PAK1: variants seen among roughly 807,000 people sequenced by gnomAD.
The protein encoded by PAK1 is p21 (RAC1) activated kinase 1, also known as serine/threonine-protein kinase PAK 1.
In PAK1, 29 loss-of-function variants were observed where a neutral mutation model predicts 67.4. That is an observed-to-expected ratio of 0.43 (90% confidence interval 0.32 to 0.59). The LOEUF is 0.59. PAK1 is among the 20% of genes least tolerant of loss of function. PAK1 has a pLI of 0.07. For synonymous variants in PAK1, 223 were observed against 237.4 expected (o/e 0.94, Z 0.56); for missense variants, 337 against 670.7 (o/e 0.50, Z 5.50).
chr11:77,438,712 C>T (rs1956232287), intron 1 of PAK1, among the ~76,000 whole-genome samples: 1 of 152,128 alleles, frequency 6.6e-6, no homozygotes, highest in African/African-American at 2.4e-5. Flanking sequence ...TACCAGGAAA[C>T]CACAGTCCTA....
intron 1 of PAK1, among the ~76,000 whole-genome samples, chr11:77,468,139 T>C (rs1957684365): frequency 6.6e-6 from 1 of 152,178 alleles, no homozygotes; most frequent in Non-Finnish European, 1.5e-5. Context: ...AAAGGGATAT[T>C]GGAGAAGGCT....
intron 14 of PAK1, chr11:77,325,284 C>T (rs764327712): frequency 4.3e-6 from 7 of 1,612,816 alleles, no homozygotes; most frequent in African/African-American, 2.7e-5. Context: ...AGAGCATACA[C>T]ACTTGAGAGC....
intron 1 of PAK1, among the ~76,000 whole-genome samples, chr11:77,410,884 T>C (rs1954420080): frequency 6.6e-6 from 1 of 152,012 alleles, no homozygotes; most frequent in Non-Finnish European, 1.5e-5. Context: ...GATTAAGATA[T>C]TACCACAGCC....
intron 1 of PAK1, among the ~76,000 whole-genome samples, chr11:77,425,980 G>C (rs1284909383): frequency 6.6e-6 from 1 of 151,802 alleles, no homozygotes; most frequent in Non-Finnish European, 1.5e-5. Context: ...AATACTCCTG[G>C]GTTCAAGGAA....
At chr11:77,442,453 C>G (rs975325984) in intron 1 of PAK1, among the ~76,000 whole-genome samples, 2 of 152,160 alleles carry the variant, frequency 1.3e-5, no homozygotes, top group African/African-American at 4.8e-5. Context: ...TATGGACAGG[C>G]ACACATGGCA....
chr11:77,460,552 CT>C (rs36038856), intron 1 of PAK1, among the ~76,000 whole-genome samples: 97 of 144,862 alleles, frequency 6.7e-4, no homozygotes, highest in Middle Eastern at 3.5e-3. Flanking sequence ...CCCAGGAGCA[CT>C]TTTTTTTTTT....
the PAK1 span, among the ~76,000 whole-genome samples, chr11:77,526,628 A>G: frequency 1.3e-5 from 2 of 152,226 alleles, no homozygotes; most frequent in Admixed American, 1.3e-4. Context: ...ATAAAGAAAA[A>G]GGCTGGAGGC....
At chr11:77,393,504 C>G (rs1057450906) in intron 1 of PAK1, among the ~76,000 whole-genome samples, 1 of 152,030 alleles carries the variant, frequency 6.6e-6, no homozygotes, top group Non-Finnish European at 1.5e-5. Flanking sequence ...CCTATGTTGC[C>G]CAGGCTGGTC....
At chr11:77,433,532 C>T (rs1955959736) in intron 1 of PAK1, among the ~76,000 whole-genome samples, 1 of 152,092 alleles carries the variant, frequency 6.6e-6, no homozygotes, top group Non-Finnish European at 1.5e-5. Context: ...GTAATCCCAG[C>T]ACTTTGGGGG....
At chr11:77,480,384 C>G in the PAK1 span, among the ~76,000 whole-genome samples, 2 of 151,918 alleles carry the variant, frequency 1.3e-5, no homozygotes, top group East Asian at 1.9e-4. Context: ...TTAGGAGATA[C>G]AAGTGTCCAT....
chr11:77,508,173 A>G, the PAK1 span, among the ~76,000 whole-genome samples: 92 of 152,306 alleles, frequency 6.0e-4, 1 homozygote, highest in Admixed American at 3.0e-3. Context: ...TGCATATTTT[A>G]GTAGCTCGAT....
the PAK1 span, among the ~76,000 whole-genome samples, chr11:77,485,365 T>TC: frequency 6.6e-6 from 1 of 152,220 alleles, no homozygotes; most frequent in African/African-American, 2.4e-5. Flanking sequence ...AGGTGATGGA[T>TC]ACCTCATTTA....
chr11:77,429,079 A>T, intron 1 of PAK1, among the ~76,000 whole-genome samples: 1 of 121,898 alleles, frequency 8.2e-6, no homozygotes, highest in Non-Finnish European at 1.6e-5. Flanking sequence ...AAAAAAAAAA[A>T]AAAAAAAAAA....
At chr11:77,521,359 A>G in the PAK1 span, among the ~76,000 whole-genome samples, 1 of 152,084 alleles carries the variant, frequency 6.6e-6, no homozygotes, top group Non-Finnish European at 1.5e-5. Context: ...GAGAAACCCC[A>G]TCTCTGCTAA....
intron 1 of PAK1, among the ~76,000 whole-genome samples, chr11:77,428,007 C>T (rs1292539279): frequency 6.6e-6 from 1 of 151,942 alleles, no homozygotes; most frequent in African/African-American, 2.4e-5. Context: ...TAGCCAGTGG[C>T]GATAGTTGGA....
At chr11:77,396,899 T>C (rs753369518) in intron 1 of PAK1, 1 of 152,194 alleles carries the variant, frequency 6.6e-6, no homozygotes, top group Non-Finnish European at 1.5e-5. Context: ...AATGGTCATT[T>C]TGTATATCTA....
chr11:77,506,965 A>T, the PAK1 span, among the ~76,000 whole-genome samples: 1 of 152,226 alleles, frequency 6.6e-6, no homozygotes, highest in African/African-American at 2.4e-5. Flanking sequence ...GAAGATAAAG[A>T]TCTTCATCTA....
intron 1 of PAK1, among the ~76,000 whole-genome samples, chr11:77,413,727 A>T (rs943183424): frequency 1.3e-5 from 2 of 151,980 alleles, no homozygotes; most frequent in African/African-American, 4.8e-5. Context: ...GAAGGAAGGA[A>T]GGAAGAAAAG....
At chr11:77,408,373 C>T (rs570220075) in intron 1 of PAK1, 9 of 151,962 alleles carry the variant, frequency 5.9e-5, no homozygotes, top group African/African-American at 1.4e-4. Context: ...CACGATCGTA[C>T]GTACCATTGC....
Sources: allele counts gnomAD v4.1 joint callset (sites outside exome capture counted in the v4.1 genomes callset), GRCh38; gene constraint gnomAD v4.1.1; transcripts MANE v1.5; gene names NCBI Gene and HGNC (gene_info 2026-07-23, HGNC 2026-07-21).